The following ENTPD7 variants were observed in gnomAD, a reference collection of about 807,000 sequenced individuals.
ENTPD7 encodes ectonucleoside triphosphate diphosphohydrolase 7.
In ENTPD7, 53 loss-of-function variants were observed where a neutral mutation model predicts 77.9. The observed-to-expected ratio is 0.68, with a 90% CI of 0.55 to 0.85. The LOEUF (loss-of-function observed/expected upper bound fraction) is 0.85, where lower values mean the gene tolerates loss of function less well. Ranked by LOEUF, ENTPD7 falls within the 40% of genes least tolerant of loss-of-function variation. The probability of loss-of-function intolerance (pLI) is 0.00; values close to 1 mark genes in which losing one functional copy is unlikely to be tolerated. For synonymous variants in ENTPD7, 248 were observed against 274.9 expected (o/e 0.90, Z 0.97); for missense variants, 636 against 743.7 (o/e 0.86, Z 1.68).
intron 2 of ENTPD7, chr10:99,660,542 A>ACG (rs542990167): frequency 2.9e-6 from 1 of 347,860 alleles, no homozygotes; most frequent in South Asian, 2.1e-5. Flanking sequence ...ACACACACAC[A>ACG]CACACACACA....
At chr10:99,699,514 T>C (rs2036062294) in intron 10 of ENTPD7, among the ~76,000 whole-genome samples, 2 of 152,234 alleles carry the variant, frequency 1.3e-5, no homozygotes, top group African/African-American at 4.8e-5. Flanking sequence ...CTTTGAATTG[T>C]TGCGTGTCTC....
intron 5 of ENTPD7, among the ~76,000 whole-genome samples, chr10:99,681,327 G>C (rs952475130): frequency 2.6e-5 from 4 of 152,032 alleles, no homozygotes; most frequent in Admixed American, 2.6e-4. Flanking sequence ...TGCCCAAGCT[G>C]GAGTGCAATG....
At chr10:99,676,931 TA>T (rs1219815637) in intron 3 of ENTPD7, among the ~76,000 whole-genome samples, 1 of 152,198 alleles carries the variant, frequency 6.6e-6, no homozygotes, top group Non-Finnish European at 1.5e-5. Context: ...TTCTCTTTTT[TA>T]AAAAAATGCA....
Position 99,700,988 on chromosome 10 carries a change from G to T in ENTPD7, c.1351G>T (p.Ala451Ser). ...GTTGATCCAGGATTACTGTGGCATG[G>T]CTTGGTCGGTACTAACTCAGAGATT... ...AKAAQDYCGMAWSVLTQRFKN... is the reference protein window; with the variant it reads ...AKAAQDYCGMSWSVLTQRFKN... Residue 451 changes from alanine to serine, a missense_variant, in exon 11 of 13, where the codon GCT becomes TCT. Ala to Ser is a moderately conservative substitution (Grantham distance 99, BLOSUM62 1). Transcript: ENST00000370489. The T allele has an allele frequency of 6.2e-7, 1 of 1,613,988 alleles. No homozygotes were observed. The highest frequency in any genetic ancestry group is 8.5e-7 in the Non-Finnish European group (1 of 1,179,906).
At chr10:99,686,295 T>C (rs1714030724) in intron 6 of ENTPD7, among the ~76,000 whole-genome samples, 1 of 152,152 alleles carries the variant, frequency 6.6e-6, no homozygotes, top group African/African-American at 2.4e-5. Flanking sequence ...CAAGGGATGA[T>C]CAGAATGAGT....
intron 5 of ENTPD7, among the ~76,000 whole-genome samples, chr10:99,682,578 AACAAT>A (rs1185284133): frequency 2.0e-5 from 3 of 152,224 alleles, no homozygotes; most frequent in Admixed American, 1.3e-4. Context: ...AAATGAACAA[AACAAT>A]ACAATACAAC....
intron 8 of ENTPD7, 94 bp downstream of exon 8, chr10:99,691,612 C>G (rs2035885233): frequency 7.2e-7 from 1 of 1,392,182 alleles, no homozygotes; most frequent in African/African-American, 1.4e-5. Context: ...CTACCTGGCT[C>G]TAAATATTTG....
chr10:99,701,475 G>A (rs2036125853), intron 11 of ENTPD7, among the ~76,000 whole-genome samples: 1 of 151,574 alleles, frequency 6.6e-6, no homozygotes, highest in Non-Finnish European at 1.5e-5. Flanking sequence ...TTTTTGTAGA[G>A]ACGGGGTTTC....
At position 99,659,986 on chromosome 10, in the gene ENTPD7, C is replaced by T. The variant is rs369211697; in HGVS notation, c.8+22C>T. On this transcript the variant is annotated intron_variant, in intron 2 of 12. Transcript: ENST00000370489. This position sits in a 1 kb window ranked among gnomAD's most constrained non-coding sequence, Gnocchi z 4.1. ...CTAGGTAAGGCTGCACACTTTCCCT[C>T]CGGCTGGGAGCACGGCAGAGGATGG... is the stretch of plus-strand genomic sequence containing the variant. The T allele has an allele frequency of 6.2e-7, 1 of 1,613,836 alleles. No individual in the cohort carries two copies. The highest frequency in any genetic ancestry group is 8.5e-7 in the Non-Finnish European group (1 of 1,179,938).
chr10:99,659,632 G>T lies in ENTPD7; in HGVS notation c.-96+44G>T, dbSNP rs988173678. On this transcript the variant is annotated intron_variant, in intron 1 of 12. Coordinates refer to ENST00000370489, the MANE Select transcript of ENTPD7 (RefSeq NM_020354.5). This position sits in a 1 kb window ranked among gnomAD's most constrained non-coding sequence, Gnocchi z 4.1. ...GGGCTGTGGGACCCGGAGGGACGGG[G>T]AGAGGAAGCGGGACCCACACCCCGC... 4.0e-6 allele frequency: 1 copy of T among 247,078 alleles called. No homozygotes were observed. Among genetic ancestry groups the T allele is most frequent in the Non-Finnish European group, 7.8e-6 (1 of 127,460 alleles). 15.3% of individuals were successfully genotyped at this position (247,078 alleles called of 1,614,324 possible).
intron 3 of ENTPD7, among the ~76,000 whole-genome samples, chr10:99,674,691 T>G (rs2035658946): frequency 6.6e-6 from 1 of 152,226 alleles, no homozygotes; most frequent in South Asian, 2.1e-4. Context: ...TGTAGATCCA[T>G]TTATCTGTTG....
chr10:99,664,126 C>A (rs1003147022), intron 3 of ENTPD7, among the ~76,000 whole-genome samples: 1 of 152,050 alleles, frequency 6.6e-6, no homozygotes, highest in Non-Finnish European at 1.5e-5. Context: ...TTTAGCTATA[C>A]CAGTTGCACA....
intron 5 of ENTPD7, among the ~76,000 whole-genome samples, chr10:99,685,242 A>G (rs1305646803): frequency 6.6e-6 from 1 of 152,176 alleles, no homozygotes; most frequent in Non-Finnish European, 1.5e-5. Context: ...GGGCAACAAG[A>G]GTGAAACTCC....
chr10:99,696,039 C>G lies in ENTPD7; in HGVS notation c.927C>G (p.Val309=), dbSNP rs373504480. Reference sequence around the variant, plus strand: ...CTGAACACGTGTACAGGGTTTATGTCACAACTTTTCTGGGTTTCGGAGGCA... The same window carrying G: ...CTGAACACGTGTACAGGGTTTATGTGACAACTTTTCTGGGTTTCGGAGGCA... ...QHTEHVYRVY[V]TTFLGFGGNF... is the part of the protein sequence containing the mutation. The change falls in exon 9 of 13, where the codon GTC becomes GTG. Residue 309 remains valine (V), a synonymous_variant. Transcript: ENST00000370489. 9 of 1,614,078 alleles carry G rather than the reference C, an allele frequency of 5.6e-6. No individual in the cohort carries two copies. The African/African-American group carries it at 1.2e-4, about 22-fold the overall frequency.
At position 99,689,530 on chromosome 10, in the gene ENTPD7, G is replaced by A. The variant is rs187670841; in HGVS notation, c.709+780G>A. On this transcript the variant is annotated intron_variant, in intron 7 of 12. Coordinates refer to ENST00000370489, the MANE Select transcript of ENTPD7 (RefSeq NM_020354.5). ...CCCCTCATATGTCCTTTAAACTGGA[G>A]GTCAGATATAGATGTTTGATTAGAC... Among the ~76,000 whole-genome samples the A allele has an allele frequency of 8.8e-3, 1,335 of 152,190 alleles. 9 individuals are homozygous for A. The highest frequency in any genetic ancestry group is 0.013 in the Admixed American group (201 of 15,280).
chr10:99,679,957 T>TC, intron 5 of ENTPD7, 82 bp downstream of exon 5: 4 of 1,498,914 alleles, frequency 2.7e-6, no homozygotes, highest in Non-Finnish European at 3.6e-6. Context: ...CCTCTGTGGT[T>TC]CCCTGGTCTA....
intron 9 of ENTPD7, among the ~76,000 whole-genome samples, 161 bp downstream of exon 9, chr10:99,696,283 A>C (rs901983747): frequency 2.0e-5 from 3 of 152,334 alleles, no homozygotes; most frequent in African/African-American, 7.2e-5. Flanking sequence ...CTCTATTAGC[A>C]GTCCCACTCT....
intron 3 of ENTPD7, among the ~76,000 whole-genome samples, chr10:99,667,009 T>C (rs2035558939): frequency 6.6e-6 from 1 of 152,190 alleles, no homozygotes; most frequent in Non-Finnish European, 1.5e-5. Context: ...TTTAAATGTA[T>C]GTGGGTGGCA....
Position 99,691,596 on chromosome 10 carries a change from A to G in ENTPD7, c.843+78A>G, listed in dbSNP as rs76728867. On this transcript the variant is annotated intron_variant, in intron 8 of 12. Coordinates refer to ENST00000370489, the MANE Select transcript of ENTPD7 (RefSeq NM_020354.5). ...GGAAGGACACTGTCTTTGGACTTAG[A>G]CCAACCTACCTGGCTCTAAATATTT... is the stretch of plus-strand genomic sequence containing the variant. 5,315 of 1,493,790 alleles carry G rather than the reference A, an allele frequency of 3.6e-3. 144 individuals carry two copies. In the African/African-American group the frequency reaches 0.061, roughly 17 times the overall value. 92.5% of individuals were successfully genotyped at this position (1,493,790 alleles called of 1,614,324 possible). A position where few individuals can be genotyped will look rare whatever the true frequency, so the allele number is the denominator to read the frequency against.
Sources: allele counts gnomAD v4.1 joint callset (sites outside exome capture counted in the v4.1 genomes callset), GRCh38; gene constraint gnomAD v4.1.1; non-coding constraint Gnocchi (gnomAD v3.1); transcripts MANE v1.5; gene names NCBI Gene and HGNC (gene_info 2026-07-23, HGNC 2026-07-21).